The following MARCHF8 variants were observed in gnomAD, a reference collection of about 807,000 sequenced individuals.
MARCHF8 encodes membrane associated ring-CH-type finger 8.
A neutral mutation model predicts 51.6 loss-of-function variants in MARCHF8; 40 were observed. The ratio of observed to expected loss-of-function variants is 0.77; its 90% CI spans 0.60 to 1.01. The LOEUF (loss-of-function observed/expected upper bound fraction) is 1.01. Among genes scored for constraint, MARCHF8 ranks in the 50% least tolerant of loss-of-function variants. MARCHF8 has a pLI of 0.00. For synonymous variants in MARCHF8, 263 were observed against 280.3 expected, an observed-to-expected ratio of 0.94 and a Z score of 0.62; for missense variants, 685 against 708.6, an observed-to-expected ratio of 0.97 and a Z score of 0.38.
chr10:45,543,233 C>G (rs1464057706), intron 1 of MARCHF8, among the ~76,000 whole-genome samples: 1 of 152,216 alleles, frequency 6.6e-6, no homozygotes, highest in South Asian at 2.1e-4. Context: ...CTCTGCAGAT[C>G]TATCCCCTAT....
intron 2 of MARCHF8, among the ~76,000 whole-genome samples, chr10:45,516,559 T>C (rs1163474923): frequency 6.6e-6 from 1 of 151,850 alleles, no homozygotes; most frequent in Non-Finnish European, 1.5e-5. Context: ...AGGTCAGGAG[T>C]TCGAGACCAG....
intron 3 of MARCHF8, among the ~76,000 whole-genome samples, chr10:45,476,437 G>A (rs1257272707): frequency 6.6e-6 from 1 of 152,082 alleles, no homozygotes. Context: ...GCATGGTGAT[G>A]TGTGCCTGTA....
chr10:45,512,058 GC>G (rs1358442531), intron 2 of MARCHF8, among the ~76,000 whole-genome samples: 3 of 150,998 alleles, frequency 2.0e-5, no homozygotes, highest in Non-Finnish European at 3.0e-5. Flanking sequence ...TCTCTGCCCG[GC>G]CGCCCATCGC....
intron 3 of MARCHF8, among the ~76,000 whole-genome samples, chr10:45,488,386 C>T (rs1461001202): frequency 6.6e-6 from 1 of 152,038 alleles, no homozygotes; most frequent in Non-Finnish European, 1.5e-5. Flanking sequence ...ACCGCAATGC[C>T]TGAAGGTCCA....
chr10:45,459,596 G>A (rs1256971613), intron 6 of MARCHF8: 1 of 477,322 alleles, frequency 2.1e-6, no homozygotes, highest in Non-Finnish European at 2.7e-6. Flanking sequence ...ACAGTATGTT[G>A]GCCCAGGACC....
chr10:45,458,218 A>T lies in MARCHF8; in HGVS notation c.*21T>A. ...CTTCAGCTCTTCATGGATGTCCAGG[A>T]AAATGACAACCCGCACACAATCAGA... On this transcript the variant is annotated 3_prime_UTR_variant, in exon 8 of 8. Coordinates refer to ENST00000453424, the MANE Select transcript of MARCHF8 (RefSeq NM_001282866.2). 1.3e-6 allele frequency: 2 copies of T among 1,586,178 alleles called. No homozygotes were observed. The highest frequency in any genetic ancestry group is 1.7e-6 in the Non-Finnish European group (2 of 1,167,512).
At chr10:45,509,046 C>T (rs1463741712) in intron 2 of MARCHF8, among the ~76,000 whole-genome samples, 1 of 152,186 alleles carries the variant, frequency 6.6e-6, no homozygotes, top group African/African-American at 2.4e-5. Context: ...CAATCAGCTA[C>T]AGGCCAGAAG....
chr10:45,506,715 A>G (rs1054061339), intron 2 of MARCHF8, among the ~76,000 whole-genome samples: 1 of 152,212 alleles, frequency 6.6e-6, no homozygotes, highest in South Asian at 2.1e-4. Context: ...TTGTGTGAGC[A>G]AGAAAGCTTT....
intron 1 of MARCHF8, among the ~76,000 whole-genome samples, chr10:45,549,610 C>T (rs748760992): frequency 6.6e-6 from 1 of 152,140 alleles, no homozygotes; most frequent in Non-Finnish European, 1.5e-5. Flanking sequence ...TTGAATGTGT[C>T]CCCCAAGTTC....
At chr10:45,582,607 G>A (rs975088458) in intron 1 of MARCHF8, among the ~76,000 whole-genome samples, 2 of 152,236 alleles carry the variant, frequency 1.3e-5, no homozygotes, top group African/African-American at 4.8e-5. Flanking sequence ...AGGCAAGGCT[G>A]CTTGCCAGAG....
chr10:45,574,415 T>C (rs1414641224), intron 1 of MARCHF8, among the ~76,000 whole-genome samples: 1 of 152,122 alleles, frequency 6.6e-6, no homozygotes, highest in Non-Finnish European at 1.5e-5. Context: ...CTATCCTCAA[T>C]ACCTCCCCTC....
At chr10:45,512,055 C>T (rs1011193131) in intron 2 of MARCHF8, among the ~76,000 whole-genome samples, 10 of 151,174 alleles carry the variant, frequency 6.6e-5, no homozygotes, top group Non-Finnish European at 1.3e-4. Flanking sequence ...GCGTCTCTGC[C>T]CGGCCGCCCA....
intron 1 of MARCHF8, among the ~76,000 whole-genome samples, chr10:45,553,769 C>T (rs2133345572): frequency 6.6e-6 from 1 of 152,158 alleles, no homozygotes; most frequent in African/African-American, 2.4e-5. Flanking sequence ...ACATAGTGTG[C>T]TACCATTCAC....
At chr10:45,482,511 T>TG (rs2042905433) in intron 3 of MARCHF8, among the ~76,000 whole-genome samples, 1 of 152,166 alleles carries the variant, frequency 6.6e-6, no homozygotes, top group Non-Finnish European at 1.5e-5. Context: ...CCCAGCACTT[T>TG]GGGAGGCCAA....
intron 2 of MARCHF8, among the ~76,000 whole-genome samples, chr10:45,515,201 T>C (rs1055041996): frequency 9.9e-5 from 15 of 152,240 alleles, no homozygotes; most frequent in African/African-American, 3.6e-4. Flanking sequence ...AAAATCATCA[T>C]TCCAAGACAA....
intron 3 of MARCHF8, among the ~76,000 whole-genome samples, chr10:45,473,436 T>A (rs1029116187): frequency 6.6e-6 from 1 of 152,244 alleles, no homozygotes; most frequent in African/African-American, 2.4e-5. Flanking sequence ...GGGCTTCCAC[T>A]GCCTTCTCCC....
intron 1 of MARCHF8, among the ~76,000 whole-genome samples, chr10:45,592,431 T>C (rs2044690984): frequency 6.6e-6 from 1 of 151,924 alleles, no homozygotes; most frequent in Non-Finnish European, 1.5e-5. Context: ...ACCACAAACC[T>C]AGGGAACAGG....
chr10:45,458,446 C>T lies in MARCHF8; in HGVS notation c.1515G>A (p.Val505=). ...AGGCCTTGAGTCTCTTCCACAATTG[C>T]ACATACACTTTACACTGAACATACA... ...LFMYVQCKVY[V]QLWKRLKAYN... is the part of the protein sequence containing the mutation. Residue 505 remains valine (V), a synonymous_variant, in exon 8 of 8, where the codon GTG becomes GTA. Coordinates refer to ENST00000453424, the MANE Select transcript of MARCHF8 (RefSeq NM_001282866.2). The T allele has an allele frequency of 6.2e-7, 1 of 1,614,160 alleles. No homozygotes were observed. The highest frequency in any genetic ancestry group is 8.5e-7 in the Non-Finnish European group (1 of 1,180,012).
rs550635472 is a variant in MARCHF8, at chr10:45,461,191, T to C, written c.1269+40A>G. 23 of 1,409,728 alleles carry C rather than the reference T, an allele frequency of 1.6e-5. No homozygotes were observed. The East Asian group carries it at 4.6e-4, about 28-fold the overall frequency. The allele number at this position is 1,409,728 out of a possible 1,614,324, so 87.3% of individuals were successfully genotyped here. On this transcript the variant is annotated intron_variant, in intron 6 of 7. Coordinates refer to ENST00000453424, the MANE Select transcript of MARCHF8 (RefSeq NM_001282866.2). ...GAGACACCAGCTTTCTGGGGGTCAC[T>C]GGTTTCAGGAAGGGTGAAGCATCCC...
Sources: gnomAD v4.1 joint callset for allele counts (sites outside exome capture counted in the v4.1 genomes callset) on GRCh38, gnomAD v4.1.1 for gene constraint, MANE v1.5 for transcripts, NCBI Gene and HGNC (gene_info 2026-07-23, HGNC 2026-07-21) for gene names.